PTPRD: variants seen among roughly 807,000 people sequenced by gnomAD.
PTPRD encodes the protein protein tyrosine phosphatase receptor type D.
In PTPRD, 34 loss-of-function variants were observed where a neutral mutation model predicts 214.5. The observed-to-expected ratio is 0.16, with a 90% CI of 0.12 to 0.21. PTPRD has a LOEUF of 0.21. PTPRD is among the 10% of genes least tolerant of loss of function. PTPRD has a pLI of 1.00. For missense variants in PTPRD, 2,545 were observed against 2,398.7 expected, an observed-to-expected ratio of 1.06 and a Z score of -1.27; for synonymous variants, 1,128 against 845.7, an observed-to-expected ratio of 1.33 and a Z score of -5.79.
chr9:9,325,982 C>T (rs9407415), intron 9 of PTPRD, among the ~76,000 whole-genome samples: 115,172 of 152,004 alleles, frequency 0.76, 43,949 homozygotes, highest in East Asian at 0.91. Context: ...TCTGTTTATG[C>T]GATGGACTGT....
At chr9:10,228,369 G>A (rs897255827) in intron 3 of PTPRD, among the ~76,000 whole-genome samples, 6 of 151,998 alleles carry the variant, frequency 3.9e-5, no homozygotes, top group Admixed American at 2.6e-4. Flanking sequence ...CACATCCACA[G>A]GATATTTCTG....
chr9:8,571,491 T>A (rs192420111), intron 14 of PTPRD, among the ~76,000 whole-genome samples: 1 of 152,146 alleles, frequency 6.6e-6, no homozygotes, highest in Non-Finnish European at 1.5e-5. Context: ...TGGCTGATAA[T>A]ATCTATGCAT....
chr9:9,083,697 A>C (rs1569534521), intron 10 of PTPRD, among the ~76,000 whole-genome samples: 1 of 152,156 alleles, frequency 6.6e-6, no homozygotes, highest in African/African-American at 2.4e-5. Context: ...AACTTAAACA[A>C]ATTTACAAGA....
intron 14 of PTPRD, 64 bp from the exon 15 acceptor site, chr9:8,528,843 T>C (rs561579749): frequency 1.7e-4 from 263 of 1,503,188 alleles, no homozygotes; most frequent in Admixed American, 2.6e-4. Context: ...TTCAAGAGAT[T>C]CCCCAGAAAT....
At chr9:9,492,140 T>C (rs542462875) in intron 8 of PTPRD, among the ~76,000 whole-genome samples, 2 of 151,810 alleles carry the variant, frequency 1.3e-5, no homozygotes, top group East Asian at 1.9e-4. Flanking sequence ...TTGGATAACC[T>C]AGATGAAATG....
chr9:8,862,582 C>T lies in PTPRD; in HGVS notation c.-103-128636G>A, dbSNP rs116529886. ...GAAATCACCTGTTCTGATTCCACTA[C>T]CCAAAGATTCTTTACAAACAAGTGG... On this transcript the variant is annotated intron_variant, in intron 11 of 45. Transcript: ENST00000381196. Among the ~76,000 whole-genome samples, 1,168 of 152,296 alleles carry T rather than the reference C, an allele frequency of 7.7e-3. 13 individuals carry two copies. Among genetic ancestry groups the T allele is most frequent in the African/African-American group, 0.027 (1,121 of 41,546 alleles).
chr9:9,171,439 G>A (rs569277438), intron 10 of PTPRD, among the ~76,000 whole-genome samples: 3 of 151,426 alleles, frequency 2.0e-5, no homozygotes, highest in East Asian at 3.9e-4. Context: ...AATAGGAAAA[G>A]GAGCTTTTCT....
intron 4 of PTPRD, among the ~76,000 whole-genome samples, chr9:9,980,395 G>C (rs938650397): frequency 6.6e-6 from 1 of 151,688 alleles, no homozygotes; most frequent in Non-Finnish European, 1.5e-5. Flanking sequence ...ATCACCTGAG[G>C]TCAGGAGTTC....
intron 12 of PTPRD, among the ~76,000 whole-genome samples, chr9:8,714,252 C>A (rs1486278414): frequency 1.3e-5 from 2 of 152,168 alleles, no homozygotes; most frequent in Admixed American, 1.3e-4. Context: ...TCAGAGTAAT[C>A]CTAACAAAGC....
intron 7 of PTPRD, among the ~76,000 whole-genome samples, chr9:9,701,582 G>A (rs1460777366): frequency 2.0e-5 from 3 of 152,184 alleles, no homozygotes; most frequent in Non-Finnish European, 1.5e-5. Context: ...AAGCCACAAA[G>A]TCTTCTGAAT....
At position 10,333,454 on chromosome 9, in the gene PTPRD, T is replaced by C. The variant is rs183323370; in HGVS notation, c.-545+7509A>G. Among the ~76,000 whole-genome samples, 326 of 151,922 alleles carry C rather than the reference T, an allele frequency of 2.1e-3. 2 individuals carry two copies. The highest frequency in any genetic ancestry group is 0.019 in the Admixed American group (287 of 15,230). On this transcript the variant is annotated intron_variant, in intron 3 of 45. Coordinates refer to ENST00000381196, the MANE Select transcript of PTPRD (RefSeq NM_002839.4). ...TGACACTACAATTTCAGCGATTTAA[T>C]GATACAATTGTTTCTGAAAACGACA...
At chr9:8,339,964 AG>A (rs1466886921) in intron 42 of PTPRD, among the ~76,000 whole-genome samples, 1 of 152,140 alleles carries the variant, frequency 6.6e-6, no homozygotes, top group Non-Finnish European at 1.5e-5. Flanking sequence ...AATTTGCCTC[AG>A]GAAGAAAAGA....
At chr9:10,139,525 C>T (rs1336382022) in intron 3 of PTPRD, among the ~76,000 whole-genome samples, 1 of 151,878 alleles carries the variant, frequency 6.6e-6, no homozygotes, top group African/African-American at 2.4e-5. Flanking sequence ...AAAAAAAAAG[C>T]TATTATAAAA....
At chr9:10,364,655 T>C (rs7033338) in intron 2 of PTPRD, among the ~76,000 whole-genome samples, 7,934 of 152,218 alleles carry the variant, frequency 0.052, 219 homozygotes, top group South Asian at 0.091. Flanking sequence ...ATGTCACAGA[T>C]TGAATATCAA....
At chr9:8,732,090 G>A (rs944310389) in intron 12 of PTPRD, among the ~76,000 whole-genome samples, 1 of 152,194 alleles carries the variant, frequency 6.6e-6, no homozygotes, top group Admixed American at 6.5e-5. Context: ...GAAGAAGAAC[G>A]AGAGGAAGAT....
intron 12 of PTPRD, among the ~76,000 whole-genome samples, chr9:8,723,104 A>T (rs2098519322): frequency 1.3e-5 from 2 of 152,168 alleles, no homozygotes; most frequent in Admixed American, 6.5e-5. Flanking sequence ...TACCTAGCCC[A>T]GCAATCCGAA....
intron 10 of PTPRD, among the ~76,000 whole-genome samples, chr9:9,173,116 C>A (rs1032993676): frequency 9.9e-5 from 15 of 152,048 alleles, no homozygotes; most frequent in African/African-American, 3.6e-4. Flanking sequence ...TAGGTAAGCT[C>A]CCTCCTTAGG....
intron 4 of PTPRD, among the ~76,000 whole-genome samples, chr9:9,981,798 T>C (rs1340636344): frequency 6.6e-6 from 1 of 152,180 alleles, no homozygotes; most frequent in Non-Finnish European, 1.5e-5. Context: ...TCTATTTTCT[T>C]CATTTCCATA....
At chr9:8,781,186 C>G (rs926252589) in intron 11 of PTPRD, among the ~76,000 whole-genome samples, 2 of 152,034 alleles carry the variant, frequency 1.3e-5, no homozygotes, top group Admixed American at 6.6e-5. Context: ...AGGAATGATA[C>G]AAGAAAGAGA....
Sources: gnomAD v4.1 joint callset for allele counts (sites outside exome capture counted in the v4.1 genomes callset) on GRCh38, gnomAD v4.1.1 for gene constraint, MANE v1.5 for transcripts, NCBI Gene and HGNC (gene_info 2026-07-23, HGNC 2026-07-21) for gene names.